The following USP10 variants were observed in gnomAD, a reference collection of about 807,000 sequenced individuals.
USP10 encodes the protein ubiquitin specific peptidase 10.
Under a neutral mutation model 84.5 loss-of-function variants are expected in USP10, and 22 were observed. That is an observed-to-expected ratio of 0.26 (90% confidence interval 0.19 to 0.37). The LOEUF (loss-of-function observed/expected upper bound fraction) is 0.37. Ranked by LOEUF, USP10 falls within the 10% of genes least tolerant of loss-of-function variation. The pLI, the probability that USP10 is intolerant of heterozygous loss-of-function variation, is 1.00. For missense variants in USP10, 1,019 were observed against 998.9 expected, an observed-to-expected ratio of 1.02 and a Z score of -0.27; for synonymous variants, 454 against 387.6, an observed-to-expected ratio of 1.17 and a Z score of -2.01.
chr16:84,752,143 T>A (rs187559485), intron 4 of USP10, among the ~76,000 whole-genome samples: 1 of 152,284 alleles, frequency 6.6e-6, no homozygotes, highest in African/African-American at 2.4e-5. Flanking sequence ...GAACTACAGG[T>A]TTCAATTTTG....
chr16:84,740,258 T>C, intron 2 of USP10, 51 bp from the exon 3 acceptor site: 1 of 1,531,964 alleles, frequency 6.5e-7, no homozygotes, highest in Non-Finnish European at 9.0e-7. Flanking sequence ...TGGTAAGCGT[T>C]GGTTTTAACA....
chr16:84,734,740 G>C (rs1290630041), intron 2 of USP10, among the ~76,000 whole-genome samples: 5 of 152,066 alleles, frequency 3.3e-5, no homozygotes, highest in Non-Finnish European at 7.4e-5. Context: ...GAAGATATTT[G>C]TCTGTTTTCT....
intron 4 of USP10, among the ~76,000 whole-genome samples, chr16:84,754,774 T>C (rs1912329980): frequency 6.6e-6 from 1 of 152,208 alleles, no homozygotes; most frequent in South Asian, 2.1e-4. Context: ...TTATGTATCC[T>C]TTGATTGCAT....
At chr16:84,755,905 C>T (rs891111489) in intron 4 of USP10, among the ~76,000 whole-genome samples, 1 of 152,098 alleles carries the variant, frequency 6.6e-6, no homozygotes, top group African/African-American at 2.4e-5. Flanking sequence ...AGCTCATTAC[C>T]ACACTAAACA....
At chr16:84,707,077 G>A (rs1905628191) in intron 1 of USP10, among the ~76,000 whole-genome samples, 1 of 152,224 alleles carries the variant, frequency 6.6e-6, no homozygotes, top group Non-Finnish European at 1.5e-5. Flanking sequence ...AAGACCCAGA[G>A]AGGTTGTGGC....
intron 3 of USP10, among the ~76,000 whole-genome samples, chr16:84,743,704 C>G (rs1391245421): frequency 6.6e-6 from 1 of 152,136 alleles, no homozygotes; most frequent in Non-Finnish European, 1.5e-5. Flanking sequence ...TGTTGAAAGA[C>G]ACAATTGATT....
At chr16:84,746,699 C>T (rs1056237883) in intron 4 of USP10, among the ~76,000 whole-genome samples, 1 of 152,116 alleles carries the variant, frequency 6.6e-6, no homozygotes, top group Non-Finnish European at 1.5e-5. Context: ...AGGCCCAGGA[C>T]AGTACTGAGC....
chr16:84,768,063 C>A, intron 10 of USP10, 130 bp from the exon 11 acceptor site: 1 of 1,114,080 alleles, frequency 9.0e-7, no homozygotes, highest in Non-Finnish European at 1.2e-6. Context: ...ATATTTTTGG[C>A]TTTTCTCTGT....
intron 4 of USP10, among the ~76,000 whole-genome samples, chr16:84,749,999 A>T (rs1161239865): frequency 6.6e-6 from 1 of 152,136 alleles, no homozygotes; most frequent in Non-Finnish European, 1.5e-5. Context: ...GCCCCAAGGG[A>T]AGGATGTATC....
At chr16:84,776,212 T>C (rs1002139683) in intron 13 of USP10, among the ~76,000 whole-genome samples, 2 of 152,196 alleles carry the variant, frequency 1.3e-5, no homozygotes, top group African/African-American at 2.4e-5. Flanking sequence ...AGAGCAGGGC[T>C]TCAAGCTCCT....
At chr16:84,774,632 G>A (rs998563579) in intron 12 of USP10, among the ~76,000 whole-genome samples, 1 of 151,880 alleles carries the variant, frequency 6.6e-6, no homozygotes, top group Non-Finnish European at 1.5e-5. Context: ...CACCACGCCC[G>A]GGTAATTTTT....
At chr16:84,749,762 G>A (rs1305365911) in intron 4 of USP10, among the ~76,000 whole-genome samples, 2 of 152,062 alleles carry the variant, frequency 1.3e-5, no homozygotes, top group African/African-American at 4.8e-5. Context: ...AAAGAATCAC[G>A]TATAAGGGAT....
intron 7 of USP10, 41 bp downstream of exon 7, chr16:84,759,987 G>A (rs1913018476): frequency 3.7e-6 from 6 of 1,605,622 alleles, no homozygotes; most frequent in South Asian, 1.1e-5. Flanking sequence ...TACATATTGG[G>A]AGTTATGGAG....
rs777947257 is a variant in USP10 at position 84,740,364 on chromosome 16, C to G, written c.146C>G (p.Pro49Arg). 1.2e-6 allele frequency: 2 copies of G among 1,612,496 alleles called. No individual in the cohort carries two copies. Among genetic ancestry groups the G allele is most frequent in the Admixed American group, 1.7e-5 (1 of 59,910 alleles). The change falls in exon 3 of 14, where the codon CCT becomes CGT. Residue 49 changes from proline to arginine, a missense_variant. Physicochemically the swap from Pro to Arg is moderately radical, Grantham distance 103. Transcript: ENST00000219473. ...LCGTQAVDKL[P>R]DGQEYQRIEF... is the part of the protein sequence containing the mutation. ...GGCACACAGGCTGTGGATAAACTAC[C>G]TGATGGTAAGCTAGTTCTCTCCTTA... is the stretch of plus-strand genomic sequence containing the variant.
At chr16:84,712,936 G>A (rs541980194) in intron 1 of USP10, among the ~76,000 whole-genome samples, 5 of 152,314 alleles carry the variant, frequency 3.3e-5, no homozygotes, top group African/African-American at 1.2e-4. Flanking sequence ...GCTTGGCTGT[G>A]GGGGCTCCGT....
At chr16:84,702,050 T>C in intron 1 of USP10, among the ~76,000 whole-genome samples, 1 of 26,196 alleles carries the variant, frequency 3.8e-5, no homozygotes, top group East Asian at 2.7e-3. Context: ...TCGCTCTTTT[T>C]TTTTTTTTTT....
intron 10 of USP10, among the ~76,000 whole-genome samples, chr16:84,765,349 G>A (rs764740333): frequency 6.6e-6 from 1 of 152,042 alleles, no homozygotes; most frequent in Non-Finnish European, 1.5e-5. Context: ...GCTCTTGTCC[G>A]ATGTTCCACA....
chr16:84,709,770 G>T (rs967073422), intron 1 of USP10, among the ~76,000 whole-genome samples: 2 of 152,176 alleles, frequency 1.3e-5, no homozygotes, highest in African/African-American at 2.4e-5. Flanking sequence ...AGTTTTTCAG[G>T]CAGAGAAGCA....
intron 8 of USP10, 51 bp from the exon 9 acceptor site, chr16:84,762,938 C>G: frequency 7.7e-6 from 9 of 1,169,720 alleles, no homozygotes; most frequent in Non-Finnish European, 1.1e-5. Context: ...GTCCTGCAGG[C>G]CTTTGACAGT....
Sources: gnomAD v4.1 joint callset for allele counts (sites outside exome capture counted in the v4.1 genomes callset) on GRCh38, gnomAD v4.1.1 for gene constraint, MANE v1.5 for transcripts, NCBI Gene and HGNC (gene_info 2026-07-23, HGNC 2026-07-21) for gene names.